TMIGD1: variants seen among roughly 807,000 people sequenced by gnomAD.
TMIGD1 encodes transmembrane and immunoglobulin domain-containing protein 1.
TMIGD1 carries 29 observed loss-of-function variants against 27.5 expected under a neutral mutation model. The observed-to-expected ratio is 1.05, with a 90% CI of 0.78 to 1.44. TMIGD1 has a LOEUF of 1.44. TMIGD1 is among the 40% of genes most tolerant of loss of function. The pLI is 0.00. For synonymous variants in TMIGD1, 109 were observed against 110.3 expected (o/e 0.99, Z 0.07); for missense variants, 334 against 310.6 (o/e 1.08, Z -0.57).
intron 4 of TMIGD1, 78 bp downstream of exon 4, chr17:30,324,738 T>A (rs1909716852): frequency 6.7e-7 from 1 of 1,498,726 alleles, no homozygotes; most frequent in African/African-American, 1.4e-5. Flanking sequence ...TATTATCATT[T>A]ATTGTCACCA....
chr17:30,325,050 C>T lies in TMIGD1; in HGVS notation c.406G>A (p.Gly136Ser), dbSNP rs762940816. Residue 136 changes from glycine to serine, a missense_variant, in exon 4 of 7, where the codon GGC (glycine) becomes AGC (serine). Gly to Ser is a moderately conservative substitution (Grantham distance 56, BLOSUM62 0). Coordinates refer to ENST00000328886, the MANE Select transcript of TMIGD1 (RefSeq NM_206832.3). ...TTGCAAACCAACTTCACATTACTGC[C>T]TTCCTCAACTGTTTGGAAGTCGTTT... ...SGNDFQTVEE[G>S]SNVKLVCNVK... 1.2e-5 allele frequency: 19 copies of T among 1,614,044 alleles called. No individual in the cohort carries two copies. Among genetic ancestry groups the T allele is most frequent in the Non-Finnish European group, 1.5e-5 (18 of 1,179,944 alleles).
chr17:30,332,140 T>A lies in TMIGD1; in HGVS notation c.-7A>T. 1.3e-5 allele frequency: 21 copies of A among 1,610,954 alleles called. No individual in the cohort carries two copies. The highest frequency in any genetic ancestry group is 1.8e-5 in the Non-Finnish European group (21 of 1,178,266). On this transcript the variant is annotated 5_prime_UTR_variant, in exon 2 of 7. Transcript: ENST00000328886. ...CACTGCTCTTCCATGCCATCTTTAA[T>A]GAGTTAAACTCAGATCTACTAAGGG...
intron 1 of TMIGD1, among the ~76,000 whole-genome samples, chr17:30,333,678 A>G (rs1910056723): frequency 6.6e-6 from 1 of 152,240 alleles, no homozygotes; most frequent in Non-Finnish European, 1.5e-5. Context: ...CGTAAGATGC[A>G]ATTACTACTA....
Position 30,325,766 on chromosome 17 carries a change from C to T in TMIGD1, c.362-672G>A, listed in dbSNP as rs1035471775. On this transcript the variant is annotated intron_variant, in intron 3 of 6. Coordinates refer to ENST00000328886, the MANE Select transcript of TMIGD1 (RefSeq NM_206832.3). ...ATTCACCAATGCATCTTTGCGTTTT[C>T]TCAGTGGTGCTCTAGAAATAATGTC... Among the ~76,000 whole-genome samples the T allele has an allele frequency of 1.3e-5, 2 of 152,080 alleles. 1 individual carries two copies. The highest frequency in any genetic ancestry group is 4.2e-4 in the South Asian group (2 of 4,804).
chr17:30,332,403 T>A (rs1413673919), intron 1 of TMIGD1, among the ~76,000 whole-genome samples: 2 of 152,194 alleles, frequency 1.3e-5, no homozygotes, highest in Admixed American at 1.3e-4. Context: ...TAGAGCAGCG[T>A]CAGGGTGCCC....
At chr17:30,320,103 T>A (rs894418615) in intron 4 of TMIGD1, among the ~76,000 whole-genome samples, 7 of 151,802 alleles carry the variant, frequency 4.6e-5, no homozygotes, top group Non-Finnish European at 1.0e-4. Flanking sequence ...GGTGGTGCAA[T>A]CTCGGCTCAC....
intron 4 of TMIGD1, among the ~76,000 whole-genome samples, chr17:30,319,261 A>AAAAAAAAAATAT: frequency 1.4e-5 from 1 of 69,068 alleles, no homozygotes; most frequent in African/African-American, 9.1e-5. Flanking sequence ...AAAAAAAAAA[A>AAAAAAAAAATAT]ATATATATAT....
chr17:30,325,699 C>T (rs1234678330), intron 3 of TMIGD1, among the ~76,000 whole-genome samples: 3 of 152,006 alleles, frequency 2.0e-5, no homozygotes, highest in Non-Finnish European at 4.4e-5. Context: ...TTACTCTCAC[C>T]GTCTGTTTTT....
At chr17:30,333,435 G>A (rs950483425) in intron 1 of TMIGD1, among the ~76,000 whole-genome samples, 6 of 151,372 alleles carry the variant, frequency 4.0e-5, no homozygotes, top group African/African-American at 1.2e-4. Flanking sequence ...AGTGAGGCTC[G>A]GTCTCAAAAA....
At chr17:30,327,528 A>C (rs1309591850) in intron 3 of TMIGD1, among the ~76,000 whole-genome samples, 1 of 150,758 alleles carries the variant, frequency 6.6e-6, no homozygotes, top group Non-Finnish European at 1.5e-5. Flanking sequence ...TCCGGGCCTT[A>C]GTTTCCTTAG....
intron 3 of TMIGD1, among the ~76,000 whole-genome samples, chr17:30,328,471 ATACT>A (rs1909859557): frequency 6.6e-6 from 1 of 152,230 alleles, no homozygotes; most frequent in African/African-American, 2.4e-5. Context: ...AATAGGAGAA[ATACT>A]TACAATTCAA....
At chr17:30,332,027 G>T (rs2143191022) in intron 2 of TMIGD1, 25 bp downstream of exon 2, 1 of 1,541,528 alleles carries the variant, frequency 6.5e-7, no homozygotes, top group East Asian at 2.2e-5. Context: ...TATCTAAAAA[G>T]AGGCCAAAAA....
intron 3 of TMIGD1, 129 bp from the exon 4 acceptor site, chr17:30,325,223 G>T: frequency 2.1e-6 from 2 of 942,532 alleles, no homozygotes; most frequent in Non-Finnish European, 3.1e-6. Context: ...AAATACGTAC[G>T]GTGTGACAAG....
intron 4 of TMIGD1, among the ~76,000 whole-genome samples, chr17:30,321,163 C>CT (rs561331069): frequency 0.035 from 4,939 of 142,206 alleles, 115 homozygotes; most frequent in African/African-American, 0.066. Context: ...TGGCCAACCC[C>CT]TTTTTTTTTT....
At position 30,324,839 on chromosome 17, in the gene TMIGD1, A is replaced by G. The variant is rs148857196; in HGVS notation, c.617T>C (p.Leu206Ser). 92 of 1,613,992 alleles carry G rather than the reference A, an allele frequency of 5.7e-5. No homozygotes were observed. Among genetic ancestry groups the G allele is most frequent in the Non-Finnish European group, 7.7e-5 (91 of 1,179,964 alleles). The change falls in exon 4 of 7, where the codon TTG becomes TCG. Residue 206 changes from leucine to serine, a missense_variant. By Grantham distance (145) the Leu-to-Ser change is moderately radical. Coordinates refer to ENST00000328886, the MANE Select transcript of TMIGD1 (RefSeq NM_206832.3). ...ACCTTTAACAATCAGGTGAAAGTCCAAGCTCTCCGTTTTCAGAGATGACTT... is the reference window on the plus strand; with the variant it reads ...ACCTTTAACAATCAGGTGAAAGTCCGAGCTCTCCGTTTTCAGAGATGACTT... ...IAKSSLKTES[L>S]DFHLIVKDKT...
intron 4 of TMIGD1, among the ~76,000 whole-genome samples, chr17:30,320,545 G>A (rs1182477723): frequency 2.0e-5 from 3 of 152,128 alleles, no homozygotes; most frequent in Non-Finnish European, 4.4e-5. Context: ...AAATAATAAT[G>A]TTTAAACCTC....
intron 6 of TMIGD1, 46 bp downstream of exon 6, chr17:30,317,147 T>G: frequency 6.3e-7 from 1 of 1,593,608 alleles, no homozygotes; most frequent in Non-Finnish European, 8.6e-7. Context: ...TCACTGCTAT[T>G]CATCTGCTTA....
Position 30,317,111 on chromosome 17 carries a change from C to G in TMIGD1, c.785+82G>C. 2.7e-6 allele frequency: 4 copies of G among 1,481,222 alleles called. No individual in the cohort carries two copies. The South Asian group carries it at 3.4e-5, about 13-fold the overall frequency. The allele number at this position is 1,481,222 out of a possible 1,614,324, so 91.8% of individuals were successfully genotyped here. ...CTTCCCCTTCCAGCACCTCCCATCT[C>G]TGGAGTTTGTCTAGAGTGATGCATA... On this transcript the variant is annotated intron_variant, in intron 6 of 6. Coordinates refer to ENST00000328886, the MANE Select transcript of TMIGD1 (RefSeq NM_206832.3).
chr17:30,324,894 G>C lies in TMIGD1; in HGVS notation c.562C>G (p.Pro188Ala), dbSNP rs751358103. The C allele has an allele frequency of 2.5e-6, 4 of 1,614,158 alleles. No homozygotes were observed. Among genetic ancestry groups the C allele is most frequent in the Non-Finnish European group, 1.7e-6 (2 of 1,180,008 alleles). Residue 188 changes from proline (P) to alanine (A), a missense_variant, in exon 4 of 7, where the codon CCT (proline) becomes GCT (alanine). Transcript: ENST00000328886. ...FQLSITKVEK[P>A]DNGTYSCIAK... ...ATACAACTGTAGGTTCCGTTGTCAG[G>C]CTTCTCGACTTTGGTGATTGACAGC...
Sources: gnomAD v4.1 joint callset for allele counts (sites outside exome capture counted in the v4.1 genomes callset) on GRCh38, gnomAD v4.1.1 for gene constraint, MANE v1.5 for transcripts, NCBI Gene and HGNC (gene_info 2026-07-23, HGNC 2026-07-21) for gene names.